Variants in RBFOX1 observed in about 807,000 individuals in gnomAD.
The protein encoded by RBFOX1 is RNA binding protein fox-1 homolog 1.
In RBFOX1, 8 loss-of-function variants were observed where a neutral mutation model predicts 57.7. The observed-to-expected ratio is 0.14, with a 90% CI of 0.08 to 0.25. RBFOX1 has a LOEUF of 0.25. Among genes scored for constraint, RBFOX1 ranks in the 10% least tolerant of loss-of-function variants. RBFOX1 has a pLI of 1.00. For synonymous variants in RBFOX1, 326 were observed against 222.4 expected, an observed-to-expected ratio of 1.47 and a Z score of -4.15; for missense variants, 611 against 548.5, an observed-to-expected ratio of 1.11 and a Z score of -1.14.
At chr16:5,526,864 T>C (rs2044270209) in intron 2 of RBFOX1, among the ~76,000 whole-genome samples, 17 of 152,188 alleles carry the variant, frequency 1.1e-4, no homozygotes, top group Admixed American at 1.1e-3. Flanking sequence ...ACTCCTTGCA[T>C]GGGAATCTAC....
At position 6,567,240 on chromosome 16, in the gene RBFOX1, A is replaced by C. The variant is rs116178450; in HGVS notation, c.-63-87363A>C. Among the ~76,000 whole-genome samples, 965 of 152,272 alleles carry C rather than the reference A, an allele frequency of 6.3e-3. 15 individuals carry two copies. Among genetic ancestry groups the C allele is most frequent in the African/African-American group, 0.022 (920 of 41,552 alleles). ...ATGAATAGCAGCTTCCTAATCTCCA[A>C]ATTTCATTCAGATACGGTATCTTAT... On this transcript the variant is annotated intron_variant, in intron 2 of 15. Transcript: ENST00000550418.
chr16:7,463,433 C>T (rs1156987205), intron 4 of RBFOX1, among the ~76,000 whole-genome samples: 1 of 152,166 alleles, frequency 6.6e-6, no homozygotes, highest in African/African-American at 2.4e-5. Flanking sequence ...GAACCCGGGA[C>T]GTAGGGGTTG....
intron 4 of RBFOX1, among the ~76,000 whole-genome samples, chr16:7,418,786 G>A (rs9888778): frequency 9.9e-5 from 6 of 60,402 alleles, no homozygotes; most frequent in Admixed American, 3.7e-4. Context: ...CTCTATCTCT[G>A]TCTTTCTCTG....
intron 3 of RBFOX1, chr16:7,003,979 A>G (rs1464804685): frequency 6.8e-6 from 1 of 146,478 alleles, no homozygotes; most frequent in Non-Finnish European, 1.5e-5. Flanking sequence ...CCCAGGGTAG[A>G]AATGAGGGGT....
intron 13 of RBFOX1, among the ~76,000 whole-genome samples, chr16:7,672,233 T>C (rs1455808703): frequency 1.3e-5 from 2 of 152,190 alleles, no homozygotes; most frequent in African/African-American, 4.8e-5. Flanking sequence ...AAAGTCAACA[T>C]ATTCATTGGA....
chr16:5,548,174 A>AAAATATATATATATATAT (rs1555462290), intron 2 of RBFOX1, among the ~76,000 whole-genome samples: 2 of 33,578 alleles, frequency 6.0e-5, no homozygotes, highest in Non-Finnish European at 1.3e-4. Context: ...AAAAAAAAAA[A>AAAATATATATATATATAT]ATATATATAT....
chr16:6,744,865 G>T (rs2073196171), intron 3 of RBFOX1, among the ~76,000 whole-genome samples: 1 of 151,938 alleles, frequency 6.6e-6, no homozygotes, highest in African/African-American at 2.4e-5. Context: ...CAGGTAGTAG[G>T]CCAAAAATGG....
At chr16:7,217,361 C>G in intron 4 of RBFOX1, among the ~76,000 whole-genome samples, 1 of 135,848 alleles carries the variant, frequency 7.4e-6, no homozygotes, top group East Asian at 2.2e-4. Flanking sequence ...GAACTCCTGA[C>G]CTTAGGTGAT....
chr16:6,743,750 C>T (rs182666486), intron 3 of RBFOX1, among the ~76,000 whole-genome samples: 10 of 151,550 alleles, frequency 6.6e-5, no homozygotes, highest in Non-Finnish European at 7.4e-5. Context: ...AAGCAACACC[C>T]TGTCTCAAAA....
chr16:7,708,986 G>T (rs2083395475), intron 14 of RBFOX1, 70 bp from the exon 15 acceptor site: 1 of 1,442,872 alleles, frequency 6.9e-7, no homozygotes, highest in African/African-American at 1.4e-5. Flanking sequence ...TTGGTATTTT[G>T]GATTTTATGA....
At chr16:7,706,918 C>G (rs868485958) in intron 14 of RBFOX1, among the ~76,000 whole-genome samples, 1 of 152,164 alleles carries the variant, frequency 6.6e-6, no homozygotes, top group African/African-American at 2.4e-5. Flanking sequence ...TTATCAAAAA[C>G]TTTTTAACAC....
chr16:6,226,203 C>CA (rs543386716), intron 1 of RBFOX1, among the ~76,000 whole-genome samples: 1,444 of 99,936 alleles, frequency 0.014, 27 homozygotes, highest in African/African-American at 0.05. Context: ...ACTAAAAATA[C>CA]AAAAAAAAAA....
At chr16:5,870,949 G>A (rs1366203901) in intron 4 of RBFOX1, among the ~76,000 whole-genome samples, 2 of 152,084 alleles carry the variant, frequency 1.3e-5, no homozygotes, top group Non-Finnish European at 2.9e-5. Flanking sequence ...TGGTTAAAAG[G>A]AGACAAAAAG....
At chr16:7,043,762 C>T (rs935374122) in intron 3 of RBFOX1, among the ~76,000 whole-genome samples, 4 of 152,118 alleles carry the variant, frequency 2.6e-5, no homozygotes, top group Admixed American at 1.3e-4. Context: ...TCCTACTTTC[C>T]CCAGTTCAAG....
chr16:6,282,193 A>G (rs895805567), intron 1 of RBFOX1, among the ~76,000 whole-genome samples: 8 of 152,120 alleles, frequency 5.3e-5, no homozygotes, highest in African/African-American at 1.9e-4. Context: ...CAGATTGCGC[A>G]TAGACCAGCA....
At chr16:7,194,762 TACAAAAAC>T (rs2086269763) in intron 4 of RBFOX1, among the ~76,000 whole-genome samples, 1 of 102,442 alleles carries the variant, frequency 9.8e-6, no homozygotes, top group African/African-American at 3.9e-5. Flanking sequence ...ACCTCATCTC[TACAAAAAC>T]TACAAAAATT....
intron 1 of RBFOX1, among the ~76,000 whole-genome samples, chr16:6,209,958 T>C (rs1028549064): frequency 4.6e-5 from 7 of 152,228 alleles, no homozygotes; most frequent in Non-Finnish European, 8.8e-5. Flanking sequence ...CTAGACTTTT[T>C]GTTTGTTTTT....
chr16:6,436,511 C>CTTTT (rs61508952), intron 2 of RBFOX1, among the ~76,000 whole-genome samples: 42 of 103,380 alleles, frequency 4.1e-4, no homozygotes, highest in African/African-American at 5.3e-4. Flanking sequence ...TTTTTCTTCA[C>CTTTT]TTTTTTTTTT....
intron 3 of RBFOX1, among the ~76,000 whole-genome samples, chr16:6,751,103 A>T (rs1484155500): frequency 6.6e-6 from 1 of 152,168 alleles, no homozygotes; most frequent in African/African-American, 2.4e-5. Flanking sequence ...GAGGGGTAGG[A>T]CATAGGTTTG....
Sources: gnomAD v4.1 joint callset for allele counts (sites outside exome capture counted in the v4.1 genomes callset) on GRCh38, gnomAD v4.1.1 for gene constraint, MANE v1.5 for transcripts, NCBI Gene and HGNC (gene_info 2026-07-23, HGNC 2026-07-21) for gene names.